The following FREM1 variants were observed in gnomAD, a reference collection of about 807,000 sequenced individuals.
FREM1 encodes the protein FRAS1-related extracellular matrix protein 1.
In FREM1, 220 loss-of-function variants were observed where a neutral mutation model predicts 210.1. That is an observed-to-expected ratio of 1.05 (90% CI 0.94 to 1.17). The LOEUF (loss-of-function observed/expected upper bound fraction) is 1.17. Ranked by LOEUF, FREM1 falls within the 50% of genes most tolerant of loss-of-function variation. The pLI, the probability that FREM1 is intolerant of heterozygous loss-of-function variation, is 0.00. For synonymous variants in FREM1, 1,189 were observed against 980.2 expected, an observed-to-expected ratio of 1.21 and a Z score of -3.98; for missense variants, 3,454 against 2,675.5, an observed-to-expected ratio of 1.29 and a Z score of -6.42.
chr9:14,827,375 A>G (rs4741436), intron 10 of FREM1, among the ~76,000 whole-genome samples: 42,056 of 152,154 alleles, frequency 0.28, 6,145 homozygotes, highest in African/African-American at 0.36. Context: ...CACGTTATGT[A>G]AGGCAGAACT....
chr9:14,895,230 T>C (rs563972187), intron 1 of FREM1, among the ~76,000 whole-genome samples: 1 of 152,340 alleles, frequency 6.6e-6, no homozygotes, highest in African/African-American at 2.4e-5. Flanking sequence ...TAATTATTCC[T>C]GCTGCACTTC....
chr9:14,767,717 A>G (rs1167880238), intron 27 of FREM1, among the ~76,000 whole-genome samples: 1 of 152,164 alleles, frequency 6.6e-6, no homozygotes, highest in East Asian at 1.9e-4. Flanking sequence ...CTGCTTACAA[A>G]TGGGGTTGAG....
At chr9:14,784,135 G>T (rs774568223) in intron 24 of FREM1, 27 of 418,476 alleles carry the variant, frequency 6.5e-5, no homozygotes, top group Non-Finnish European at 1.0e-4. Context: ...CATACAACAA[G>T]ACAGTAAAAG....
intron 13 of FREM1, among the ~76,000 whole-genome samples, chr9:14,819,694 A>AT (rs1429194122): frequency 6.6e-6 from 1 of 152,220 alleles, no homozygotes; most frequent in Non-Finnish European, 1.5e-5. Flanking sequence ...TCTACTTTTC[A>AT]TTTATTGCAT....
At chr9:14,837,466 T>TACACAC (rs35667419) in intron 10 of FREM1, among the ~76,000 whole-genome samples, 2 of 148,910 alleles carry the variant, frequency 1.3e-5, no homozygotes, top group South Asian at 2.1e-4. Context: ...CACATACACA[T>TACACAC]ACACACACAC....
In FREM1 at chr9:14,806,704, G is replaced by T; in HGVS notation, c.3231C>A (p.Leu1077=). The T allele has an allele frequency of 1.2e-6, 2 of 1,603,046 alleles. No homozygotes were observed. The highest frequency in any genetic ancestry group is 1.7e-6 in the Non-Finnish European group (2 of 1,174,412). Reference sequence around the variant, plus strand: ...TGCTTTTTTCAAAACCCACAGAAGGGAGTATATTTTCGAGGTAGCCAAACT... The same window carrying T: ...TGCTTTTTTCAAAACCCACAGAAGGTAGTATATTTTCGAGGTAGCCAAACT... The part of the protein sequence containing the change: ...PPQFGYLENI[L]PSVGFEKSNI... The change falls in exon 18 of 37, where the codon CTC becomes CTA. Residue 1077 remains leucine, a synonymous_variant. Coordinates refer to ENST00000380880, the MANE Select transcript of FREM1 (RefSeq NM_001379081.2).
intron 2 of FREM1, among the ~76,000 whole-genome samples, chr9:14,867,387 C>G (rs1831721563): frequency 6.6e-6 from 1 of 152,192 alleles, no homozygotes; most frequent in South Asian, 2.1e-4. Context: ...CTTGGGAATA[C>G]AATGGCTAAT....
At chr9:14,745,089 A>G (rs920385388) in intron 35 of FREM1, among the ~76,000 whole-genome samples, 10 of 152,122 alleles carry the variant, frequency 6.6e-5, no homozygotes, top group Non-Finnish European at 1.2e-4. Flanking sequence ...CATAGAGGGG[A>G]ACAACGCACA....
chr9:14,750,235 C>T lies in FREM1; in HGVS notation c.5449G>A (p.Gly1817Arg), dbSNP rs756024658. Residue 1817 changes from glycine to arginine, a missense_variant, in exon 30 of 37, where the codon GGA becomes AGA. Gly to Arg is a moderately radical substitution (Grantham distance 125). Coordinates refer to ENST00000380880, the MANE Select transcript of FREM1 (RefSeq NM_001379081.2). ...AAGACCTCATCATCTTCCTCTAATC[C>T]GTCATAGGTAATTGCTATATTCCAC... is the stretch of plus-strand genomic sequence containing the variant. Reference protein sequence around the residue: ...KMWNIAITYDGLEEDDEVFEV... With the variant: ...KMWNIAITYDRLEEDDEVFEV... 17 of 1,612,614 alleles carry T rather than the reference C, an allele frequency of 1.1e-5. No homozygotes were observed. Among genetic ancestry groups the T allele is most frequent in the East Asian group, 4.5e-5 (2 of 44,866 alleles).
chr9:14,842,445 T>G lies in FREM1; in HGVS notation c.1609A>C (p.Thr537Pro). ...NVVIELEEGQ[T>P]ILIQGSMLRA... ...AGCATGGATCCCTGGATCAGGATGG[T>G]CTGCCCCTCCTCCAGTTCAATCACA... The change falls in exon 9 of 37, where the codon ACC (threonine) becomes CCC (proline). Residue 537 changes from threonine to proline, a missense_variant. Physicochemically the swap from Thr to Pro is conservative, Grantham distance 38. Transcript: ENST00000380880. 1 of 1,613,876 alleles carries G rather than the reference T, an allele frequency of 6.2e-7. No individual in the cohort carries two copies. The highest frequency in any genetic ancestry group is 1.3e-5 in the African/African-American group (1 of 75,046).
chr9:14,849,978 C>T (rs186629758), intron 6 of FREM1, among the ~76,000 whole-genome samples: 2 of 152,310 alleles, frequency 1.3e-5, no homozygotes, highest in African/African-American at 2.4e-5. Flanking sequence ...CAAAGCATAG[C>T]GTTTATAGCC....
rs200522123 is a variant in FREM1, at chr9:14,819,257, G to A, written c.2523C>T (p.Gly841=). The A allele has an allele frequency of 3.7e-5, 60 of 1,612,496 alleles. No homozygotes were observed. The highest frequency in any genetic ancestry group is 3.3e-5 in the Admixed American group (2 of 59,898). Residue 841 remains glycine (G), a synonymous_variant, in exon 14 of 37, where the codon GGC becomes GGT. Transcript: ENST00000380880. The part of the protein sequence containing the change: ...PLNSGGTFSW[G]DLHTLKVRYQ... ...ACCTAACTTTTAAGGTATGGAGATC[G>A]CCCCAAGAAAATGTGCCCCCTGAAT...
intron 36 of FREM1, among the ~76,000 whole-genome samples, chr9:14,738,936 G>A (rs1840910836): frequency 6.6e-6 from 1 of 150,602 alleles, no homozygotes; most frequent in Non-Finnish European, 1.5e-5. Flanking sequence ...CTTGAACCCA[G>A]GGGGCGGAAG....
chr9:14,879,157 C>CAAAA (rs78563904), intron 1 of FREM1, among the ~76,000 whole-genome samples: 64 of 104,418 alleles, frequency 6.1e-4, no homozygotes, highest in East Asian at 2.9e-3. Context: ...GATTCCGTCT[C>CAAAA]AAAAAAAAAA....
rs372531152 is a variant in FREM1 at position 14,797,374 on chromosome 9, C to T, written c.3839+124G>A. ...GTTCCTCATGCCTGAGTGGCAGGGGCAAGCTGTGACAGGAGCTAGCGAAGA... is the reference window on the plus strand; with the variant it reads ...GTTCCTCATGCCTGAGTGGCAGGGGTAAGCTGTGACAGGAGCTAGCGAAGA... On this transcript the variant is annotated intron_variant, in intron 21 of 36. Transcript: ENST00000380880. The T allele has an allele frequency of 2.1e-5, 14 of 653,036 alleles. No homozygotes were observed. The African/African-American group carries it at 2.6e-4, about 12-fold the overall frequency. The allele number at this position is 653,036 out of a possible 1,614,324, so 40.5% of individuals were successfully genotyped here.
At chr9:14,792,112 G>A (rs565232907) in intron 22 of FREM1, among the ~76,000 whole-genome samples, 1 of 152,108 alleles carries the variant, frequency 6.6e-6, no homozygotes, top group East Asian at 1.9e-4. Flanking sequence ...CAAAGTGCTG[G>A]GATTCAGATA....
chr9:14,757,276 C>A (rs1844573202), intron 28 of FREM1, among the ~76,000 whole-genome samples: 1 of 152,192 alleles, frequency 6.6e-6, no homozygotes, highest in Non-Finnish European at 1.5e-5. Flanking sequence ...TGTCCTTGAG[C>A]CGGCACGGTG....
chr9:14,793,115 A>G (rs893922897), intron 21 of FREM1, among the ~76,000 whole-genome samples: 2 of 152,256 alleles, frequency 1.3e-5, no homozygotes, highest in East Asian at 3.8e-4. Flanking sequence ...AGAGGTAATT[A>G]GGCACTTCTA....
chr9:14,844,329 G>A (rs913746434), intron 8 of FREM1, among the ~76,000 whole-genome samples: 1 of 151,308 alleles, frequency 6.6e-6, no homozygotes, highest in African/African-American at 2.4e-5. Context: ...GGGTTCAAAC[G>A]ATTCTCTTGC....
Sources: allele counts gnomAD v4.1 joint callset (sites outside exome capture counted in the v4.1 genomes callset), GRCh38; gene constraint gnomAD v4.1.1; transcripts MANE v1.5; gene names NCBI Gene and HGNC (gene_info 2026-07-23, HGNC 2026-07-21).